USP48: variants seen among roughly 807,000 people sequenced by gnomAD.
USP48 encodes the protein ubiquitin specific peptidase 48.
USP48 carries 43 observed loss-of-function variants against 150.7 expected under a neutral mutation model. The observed-to-expected ratio is 0.29, with a 90% CI of 0.22 to 0.37. The LOEUF (loss-of-function observed/expected upper bound fraction) is 0.37. Ranked by LOEUF, USP48 falls within the 10% of genes least tolerant of loss-of-function variation. The probability of loss-of-function intolerance (pLI) is 1.00; values close to 1 mark genes in which losing one functional copy is unlikely to be tolerated. For missense variants in USP48, 813 were observed against 1,249.6 expected, an observed-to-expected ratio of 0.65 and a Z score of 5.27; for synonymous variants, 396 against 425.9, an observed-to-expected ratio of 0.93 and a Z score of 0.86.
intron 25 of USP48, 86 bp from the exon 26 acceptor site, chr1:21,680,920 G>T: frequency 9.4e-7 from 1 of 1,066,718 alleles, no homozygotes; most frequent in Non-Finnish European, 1.4e-6. Flanking sequence ...AAAGACAAAA[G>T]TTTAAAATAA....
At chr1:21,721,801 T>C in intron 12 of USP48, 37 bp from the exon 13 acceptor site, 2 of 1,414,176 alleles carry the variant, frequency 1.4e-6, no homozygotes, top group Non-Finnish European at 1.9e-6. Flanking sequence ...ATATATTTCA[T>C]TCAAACAGAC....
rs1449390092 is a variant in USP48 at position 21,748,168 on chromosome 1, T to C, written c.878A>G (p.Asn293Ser). 1 of 1,613,430 alleles carries C rather than the reference T, an allele frequency of 6.2e-7. No homozygotes were observed. The change falls in exon 7 of 27, where the codon AAC (asparagine) becomes AGC (serine). Residue 293 changes from asparagine (N) to serine (S), a missense_variant. By Grantham distance (46) the Asn-to-Ser change is conservative. Coordinates refer to ENST00000308271, the MANE Select transcript of USP48 (RefSeq NM_032236.8). ...IRLLSLPCTL[N>S]LQLMRFVFDR... ...AAAGACAAAACGCATTAGCTGCAAGTTCAGAGTGCAAGGAAGGCTAAGAAG... is the reference window on the plus strand; with the variant it reads ...AAAGACAAAACGCATTAGCTGCAAGCTCAGAGTGCAAGGAAGGCTAAGAAG...
chr1:21,762,036 G>A (rs2097851191), intron 1 of USP48, among the ~76,000 whole-genome samples: 1 of 152,082 alleles, frequency 6.6e-6, no homozygotes, highest in Non-Finnish European at 1.5e-5. Flanking sequence ...GGAGACTGAG[G>A]TGGGCAGATC....
At chr1:21,680,344 A>G (rs2097562517) in intron 26 of USP48, among the ~76,000 whole-genome samples, 1 of 152,262 alleles carries the variant, frequency 6.6e-6, no homozygotes, top group Admixed American at 6.5e-5. Flanking sequence ...CTCCTCTTGA[A>G]GTAATAATCC....
intron 26 of USP48, among the ~76,000 whole-genome samples, chr1:21,679,703 C>G (rs775227670): frequency 2.3e-4 from 35 of 152,144 alleles, no homozygotes; most frequent in Non-Finnish European, 5.9e-5. Context: ...ATTTAATGAC[C>G]ATTCTTCTTT....
Position 21,745,196 on chromosome 1 carries a change from C to T in USP48, c.991+1871G>A, listed in dbSNP as rs541868569. On this transcript the variant is annotated intron_variant, in intron 8 of 26. Transcript: ENST00000308271. The stretch of plus-strand genomic sequence containing the variant: ...CCTATATAAGGTACAGCAAGCATTA[C>T]GACAGCGTGTAAAAGACAAGCCTAT... Among the ~76,000 whole-genome samples the T allele has an allele frequency of 6.6e-5, 10 of 152,180 alleles. No individual in the cohort carries two copies. In the South Asian group the frequency reaches 8.3e-4, roughly 13 times the overall value.
At chr1:21,715,978 G>A (rs567886560) in intron 14 of USP48, among the ~76,000 whole-genome samples, 1 of 152,286 alleles carries the variant, frequency 6.6e-6, no homozygotes, top group South Asian at 2.1e-4. Flanking sequence ...AACATCCATT[G>A]GCACATTTCT....
chr1:21,736,526 C>T lies in USP48; in HGVS notation c.1091G>A (p.Gly364Asp), dbSNP rs569288706. The T allele has an allele frequency of 1.2e-6, 2 of 1,602,614 alleles. No homozygotes were observed. Among genetic ancestry groups the T allele is most frequent in the Non-Finnish European group, 1.7e-6 (2 of 1,176,488 alleles). ...TTCATCATTAAACTTATACCATTCA[C>T]CAGACTGTGGATCTTTCACGTGGGC... is the stretch of plus-strand genomic sequence containing the variant. Reference protein sequence around the residue: ...YIAHVKDPQSGEWYKFNDEDI... With the variant: ...YIAHVKDPQSDEWYKFNDEDI... The change falls in exon 9 of 27, where the codon GGT becomes GAT. Residue 364 changes from glycine (G) to aspartate (D), a missense_variant. By Grantham distance (94) the Gly-to-Asp change is moderately conservative. Transcript: ENST00000308271.
At chr1:21,694,657 A>G (rs541575993) in intron 23 of USP48, among the ~76,000 whole-genome samples, 2 of 147,652 alleles carry the variant, frequency 1.4e-5, no homozygotes, top group East Asian at 2.1e-4. Flanking sequence ...ATACTGTGAC[A>G]GCCTAGTGAA....
chr1:21,760,544 T>C (rs1440126158), intron 1 of USP48, among the ~76,000 whole-genome samples: 1 of 151,006 alleles, frequency 6.6e-6, no homozygotes, highest in Non-Finnish European at 1.5e-5. Flanking sequence ...TAAAACCCCA[T>C]CTCTACTAAA....
chr1:21,761,494 C>T (rs2152618250), intron 1 of USP48, among the ~76,000 whole-genome samples: 1 of 152,246 alleles, frequency 6.6e-6, no homozygotes, highest in South Asian at 2.1e-4. Flanking sequence ...GACCCCATCA[C>T]TTTTTATACC....
chr1:21,742,480 G>T (rs1323464628), intron 8 of USP48, among the ~76,000 whole-genome samples: 1 of 151,342 alleles, frequency 6.6e-6, no homozygotes, highest in South Asian at 2.1e-4. Flanking sequence ...GGAGGCGGAG[G>T]TTGCGGTGAG....
intron 14 of USP48, among the ~76,000 whole-genome samples, chr1:21,717,206 C>T (rs2097706995): frequency 6.6e-6 from 1 of 151,882 alleles, no homozygotes; most frequent in African/African-American, 2.4e-5. Context: ...GAGTTCAAGA[C>T]CAGCCTGAGC....
At chr1:21,696,676 G>C (rs193048700) in intron 22 of USP48, among the ~76,000 whole-genome samples, 52 of 152,112 alleles carry the variant, frequency 3.4e-4, no homozygotes, top group Non-Finnish European at 5.7e-4. Flanking sequence ...TTTTTAGAGG[G>C]GAAATGTCAT....
In USP48 at chr1:21,706,488, C is replaced by A. The variant is rs761121978; in HGVS notation, c.2190G>T (p.Pro730=). Residue 730 remains proline (P), a synonymous_variant, in exon 17 of 27, where the codon CCG becomes CCT. Transcript: ENST00000308271. ...ATACCTCTGGCCAGTTACTGAGACA[C>A]GGTCTGTTTTTATCCTGGAACAAAT... ...LPNLFQDKNR[P]CLSNWPEDTD... The A allele has an allele frequency of 6.2e-6, 10 of 1,614,006 alleles. No individual in the cohort carries two copies. Among genetic ancestry groups the A allele is most frequent in the Admixed American group, 3.3e-5 (2 of 59,978 alleles).
intron 8 of USP48, among the ~76,000 whole-genome samples, chr1:21,737,074 T>C (rs145894445): frequency 6.6e-6 from 1 of 152,330 alleles, no homozygotes; most frequent in African/African-American, 2.4e-5. Flanking sequence ...GATAAATGCT[T>C]TGGCAAAAAC....
intron 8 of USP48, among the ~76,000 whole-genome samples, chr1:21,741,714 C>T (rs759353443): frequency 1.3e-5 from 2 of 152,140 alleles, no homozygotes; most frequent in Non-Finnish European, 2.9e-5. Flanking sequence ...TGGTGGTTCA[C>T]GCCTGTAATC....
intron 1 of USP48, among the ~76,000 whole-genome samples, chr1:21,763,970 C>A (rs368105572): frequency 6.6e-6 from 1 of 152,166 alleles, no homozygotes; most frequent in African/African-American, 2.4e-5. Context: ...CTCTCCCATT[C>A]GTCATTCTCC....
intron 9 of USP48, among the ~76,000 whole-genome samples, chr1:21,733,100 GGTTA>G (rs1459983985): frequency 4.6e-5 from 7 of 152,140 alleles, no homozygotes; most frequent in Non-Finnish European, 8.8e-5. Flanking sequence ...GGTAAGAGGA[GGTTA>G]GTCATCCATT....
Sources: gnomAD v4.1 joint callset for allele counts (sites outside exome capture counted in the v4.1 genomes callset) on GRCh38, gnomAD v4.1.1 for gene constraint, MANE v1.5 for transcripts, NCBI Gene and HGNC (gene_info 2026-07-23, HGNC 2026-07-21) for gene names.